Variants in ZNF521 observed in about 807,000 individuals in gnomAD.
The protein encoded by ZNF521 is LYST-interacting protein 3.
In ZNF521, 14 loss-of-function variants were observed where a neutral mutation model predicts 105.5. The observed-to-expected ratio is 0.13, with a 90% CI of 0.09 to 0.21. The LOEUF (loss-of-function observed/expected upper bound fraction) is 0.21, where lower values mean the gene tolerates loss of function less well. ZNF521 is among the 10% of genes least tolerant of loss of function. The pLI is 1.00. For synonymous variants in ZNF521, 635 were observed against 606.0 expected (o/e 1.05, Z -0.70); for missense variants, 1,233 against 1,629.7 (o/e 0.76, Z 4.19).
chr18:25,121,907 A>C (rs1437674510), intron 5 of ZNF521, among the ~76,000 whole-genome samples: 1 of 152,204 alleles, frequency 6.6e-6, no homozygotes, highest in Non-Finnish European at 1.5e-5. Flanking sequence ...AAAATTCACA[A>C]TGTCTGGCAT....
rs117415216 is a variant in ZNF521 at position 25,167,325 on chromosome 18, G to A, written c.3658+27835C>T. Among the ~76,000 whole-genome samples the A allele has an allele frequency of 9.9e-3, 1,515 of 152,300 alleles. 11 individuals carry two copies. The highest frequency in any genetic ancestry group is 0.017 in the Middle Eastern group (5 of 294). On this transcript the variant is annotated intron_variant, in intron 5 of 7. Transcript: ENST00000361524. ...AACATACAAAAAACACTTGTTTTAT[G>A]TAAGTGCTTCTACAGTAATAGGCTG...
At chr18:25,203,424 C>G (rs1332159389) in intron 4 of ZNF521, among the ~76,000 whole-genome samples, 3 of 152,124 alleles carry the variant, frequency 2.0e-5, no homozygotes, top group Non-Finnish European at 4.4e-5. Context: ...CAAGACTAGT[C>G]TGGGCAAGGT....
chr18:25,256,311 GA>G (rs901141326), intron 3 of ZNF521, among the ~76,000 whole-genome samples: 1 of 152,026 alleles, frequency 6.6e-6, no homozygotes, highest in Non-Finnish European at 1.5e-5. Context: ...TTTGCAAGAT[GA>G]AAAGAGTTCT....
chr18:25,225,171 C>T lies in ZNF521; in HGVS notation c.2747G>A (p.Ser916Asn). ...CTCAGCTTTCTTTTTCACGATGGCA[C>T]TTTCTCCAGGTCTGATGTTGTGGTC... ...LRDHNIRPGE[S>N]AIVKKKAELI... is the part of the protein sequence containing the mutation. Residue 916 changes from serine to asparagine, a missense_variant, in exon 4 of 8, where the codon AGT becomes AAT. Physicochemically the swap from Ser to Asn is conservative, Grantham distance 46. This residue lies in a region of ZNF521 where 614 missense variants were observed against 751.5 expected (regional missense o/e 0.82). Transcript: ENST00000361524. This position sits in a 1 kb window ranked among gnomAD's most constrained non-coding sequence, Gnocchi z 5.6. 6.2e-7 allele frequency: 1 copy of T among 1,614,120 alleles called. No homozygotes were observed. The highest frequency in any genetic ancestry group is 8.5e-7 in the Non-Finnish European group (1 of 1,180,034).
intron 2 of ZNF521, among the ~76,000 whole-genome samples, chr18:25,327,178 G>A (rs1189134380): frequency 6.6e-6 from 1 of 152,120 alleles, no homozygotes; most frequent in Non-Finnish European, 1.5e-5. Flanking sequence ...AGCTGCCCGA[G>A]TTCTTTCTTT....
chr18:25,334,254 G>A (rs1036179989), intron 2 of ZNF521, among the ~76,000 whole-genome samples: 1 of 152,184 alleles, frequency 6.6e-6, no homozygotes, highest in Non-Finnish European at 1.5e-5. Flanking sequence ...GAGTAGAAAA[G>A]GAGAGGGAAC....
intron 3 of ZNF521, among the ~76,000 whole-genome samples, chr18:25,289,594 T>C (rs1246827374): frequency 6.6e-6 from 1 of 152,236 alleles, no homozygotes; most frequent in African/African-American, 2.4e-5. Context: ...AAAATGTATA[T>C]ACTTTGTTAT....
chr18:25,324,025 T>G (rs1257364641), intron 2 of ZNF521, among the ~76,000 whole-genome samples: 1 of 152,200 alleles, frequency 6.6e-6, no homozygotes, highest in Non-Finnish European at 1.5e-5. Context: ...TAATTTGGGC[T>G]GATTTGCCAT....
At chr18:25,308,138 G>T (rs1459402691) in intron 3 of ZNF521, among the ~76,000 whole-genome samples, 1 of 144,642 alleles carries the variant, frequency 6.9e-6, no homozygotes, top group Admixed American at 7.0e-5. Flanking sequence ...GCAGGCGGAG[G>T]TTGCAATGAG....
intron 2 of ZNF521, among the ~76,000 whole-genome samples, chr18:25,330,779 C>T (rs1913521586): frequency 6.6e-6 from 1 of 151,938 alleles, no homozygotes. Context: ...AACATAAAAC[C>T]CCAATAAATT....
intron 4 of ZNF521, 147 bp from the exon 5 acceptor site, chr18:25,195,391 G>A (rs1198134726): frequency 6.8e-6 from 4 of 584,022 alleles, no homozygotes; most frequent in Non-Finnish European, 1.2e-5. Context: ...CAAGTTCTAC[G>A]AATTCCTTAC....
intron 3 of ZNF521, among the ~76,000 whole-genome samples, chr18:25,233,643 T>A (rs1254185935): frequency 1.3e-5 from 2 of 149,720 alleles, no homozygotes; most frequent in Non-Finnish European, 1.5e-5. Flanking sequence ...ATTCCAGATA[T>A]CAGAGCTCAA....
intron 5 of ZNF521, among the ~76,000 whole-genome samples, chr18:25,145,005 C>CAAG (rs2034917028): frequency 6.6e-6 from 1 of 152,190 alleles, no homozygotes; most frequent in South Asian, 2.1e-4. Context: ...CACCAGCATG[C>CAAG]AAGAGCTCTG....
intron 2 of ZNF521, among the ~76,000 whole-genome samples, chr18:25,333,299 A>T (rs1036533970): frequency 6.4e-4 from 92 of 142,898 alleles, no homozygotes; most frequent in Non-Finnish European, 1.1e-3. Flanking sequence ...ATAAGGACAC[A>T]CTCTCTCTCT....
intron 5 of ZNF521, among the ~76,000 whole-genome samples, chr18:25,094,904 AT>A (rs770022833): frequency 1.3e-4 from 19 of 151,328 alleles, no homozygotes; most frequent in East Asian, 5.8e-4. Context: ...TTCATTTTGT[AT>A]TTTTTTTTAA....
chr18:25,307,796 AC>A (rs996601739), intron 3 of ZNF521, among the ~76,000 whole-genome samples: 7 of 152,138 alleles, frequency 4.6e-5, no homozygotes, highest in African/African-American at 1.4e-4. Context: ...CTCTCAGAGT[AC>A]TTATTCTGAG....
At chr18:25,156,879 G>C (rs933638362) in intron 5 of ZNF521, among the ~76,000 whole-genome samples, 1 of 152,132 alleles carries the variant, frequency 6.6e-6, no homozygotes, top group Admixed American at 6.5e-5. Flanking sequence ...TAGTGGACAT[G>C]AGGCATGAAG....
At chr18:25,348,926 A>G (rs1169300874) in intron 2 of ZNF521, among the ~76,000 whole-genome samples, 1 of 152,254 alleles carries the variant, frequency 6.6e-6, no homozygotes, top group African/African-American at 2.4e-5. Flanking sequence ...AATCATCTTC[A>G]GGAAGCACTG....
chr18:25,341,747 C>T (rs555921189), intron 2 of ZNF521, among the ~76,000 whole-genome samples: 1 of 152,334 alleles, frequency 6.6e-6, no homozygotes, highest in East Asian at 1.9e-4. Flanking sequence ...ACATACCATA[C>T]ACACGTACGT....
Sources: allele counts gnomAD v4.1 joint callset (sites outside exome capture counted in the v4.1 genomes callset), GRCh38; gene constraint gnomAD v4.1.1; regional missense constraint gnomAD v4.1.1; non-coding constraint Gnocchi (gnomAD v3.1); transcripts MANE v1.5; gene names NCBI Gene and HGNC (gene_info 2026-07-23, HGNC 2026-07-21).